The following CREB3L2 variants were observed in gnomAD, a reference collection of about 807,000 sequenced individuals.
CREB3L2 encodes cyclic AMP-responsive element-binding protein 3-like protein 2.
Under a neutral mutation model 57.2 loss-of-function variants are expected in CREB3L2, and 23 were observed. That is an observed-to-expected ratio of 0.40 (90% CI 0.29 to 0.57). The LOEUF is 0.57. Ranked by LOEUF, CREB3L2 falls within the 20% of genes least tolerant of loss-of-function variation. The probability of loss-of-function intolerance (pLI) is 0.42; values close to 1 mark genes in which losing one functional copy is unlikely to be tolerated. For missense variants in CREB3L2, 628 were observed against 634.7 expected, an observed-to-expected ratio of 0.99 and a Z score of 0.11; for synonymous variants, 268 against 265.1, an observed-to-expected ratio of 1.01 and a Z score of -0.11.
intron 1 of CREB3L2, among the ~76,000 whole-genome samples, chr7:137,939,638 C>A (rs986487132): frequency 8.5e-5 from 13 of 152,228 alleles, no homozygotes; most frequent in African/African-American, 3.1e-4. Context: ...CCATCAAAGC[C>A]ATGATCAAGT....
chr7:137,976,117 A>G (rs1372120863), intron 1 of CREB3L2, among the ~76,000 whole-genome samples: 1 of 152,250 alleles, frequency 6.6e-6, no homozygotes, highest in Non-Finnish European at 1.5e-5. Flanking sequence ...GGCCCTCAGA[A>G]CTCTGATTAG....
intron 1 of CREB3L2, among the ~76,000 whole-genome samples, chr7:137,989,776 C>G (rs1319370440): frequency 1.3e-5 from 2 of 152,142 alleles, no homozygotes; most frequent in African/African-American, 4.8e-5. Flanking sequence ...CAAACTCATC[C>G]TCCCTCCAAA....
rs1157503342 is a variant in CREB3L2 at position 137,879,701 on chromosome 7, T to C, written c.*775A>G. The C allele has an allele frequency of 4.2e-6, 1 of 237,994 alleles. No homozygotes were observed. The highest frequency in any genetic ancestry group is 8.3e-6 in the Non-Finnish European group (1 of 121,198). 14.7% of individuals were successfully genotyped at this position (237,994 alleles called of 1,614,324 possible). A position where few individuals can be genotyped will look rare whatever the true frequency, so the allele number is the denominator to read the frequency against. ...TAGCTTGAAAGGAGGCATCGATCTC[T>C]TCAGTGTGGTTGCTAGCAGGAAGCC... is the stretch of plus-strand genomic sequence containing the variant. On this transcript the variant is annotated 3_prime_UTR_variant, in exon 12 of 12. Transcript: ENST00000330387.
At chr7:137,995,196 A>C (rs945058985) in intron 1 of CREB3L2, among the ~76,000 whole-genome samples, 3 of 152,190 alleles carry the variant, frequency 2.0e-5, no homozygotes, top group African/African-American at 7.2e-5. Context: ...GTCATTTTGA[A>C]TGTAACCCCT....
intron 8 of CREB3L2, among the ~76,000 whole-genome samples, chr7:137,889,151 T>C (rs1799485109): frequency 1.3e-5 from 2 of 152,108 alleles, no homozygotes; most frequent in African/African-American, 2.4e-5. Context: ...TTGATATCTC[T>C]GGGCCCTGTA....
intron 1 of CREB3L2, among the ~76,000 whole-genome samples, chr7:137,948,280 A>G (rs531818733): frequency 6.6e-6 from 1 of 152,376 alleles, no homozygotes; most frequent in Non-Finnish European, 1.5e-5. Flanking sequence ...TACCTAAAAC[A>G]TGCTCACTAG....
At chr7:137,970,182 A>T (rs1801483190) in intron 1 of CREB3L2, among the ~76,000 whole-genome samples, 1 of 152,248 alleles carries the variant, frequency 6.6e-6, no homozygotes, top group African/African-American at 2.4e-5. Context: ...ATTGAATACA[A>T]AGGGTTGATT....
rs1563270138 is a variant in CREB3L2 at position 137,972,712 on chromosome 7, A to AAT, written c.102+28890_102+28891dup. Among the ~76,000 whole-genome samples, 49 of 34,092 alleles carry AAT rather than the reference A, an allele frequency of 1.4e-3. 1 individual carries two copies. Among genetic ancestry groups the AAT allele is most frequent in the South Asian group, 8.2e-3 (4 of 488 alleles). The allele number at this position is 34,092 out of a possible 152,430, so 22.4% of individuals were successfully genotyped here. On this transcript the variant is annotated intron_variant, in intron 1 of 11. Coordinates refer to ENST00000330387, the MANE Select transcript of CREB3L2 (RefSeq NM_194071.4). ...AAAAAAAAAAAAAAAAAAAAAAAAA[A>AAT]ATATATATATATATATATATATATA...
chr7:137,884,219 G>A (rs1799360984), intron 10 of CREB3L2: 1 of 151,338 alleles, frequency 6.6e-6, no homozygotes, highest in Admixed American at 6.6e-5. Context: ...TATTGGCCAG[G>A]CTGGTCTTGA....
In CREB3L2 at chr7:137,905,832, C is replaced by T; in HGVS notation, c.785G>A (p.Gly262Asp). The part of the protein sequence containing the change: ...LTAPHKLQGS[G>D]PLVLTEEEKR... ...CTCCTCCTCTGTCAGGACCAGAGGG[C>T]CTGATCCCTGCAGTTTCTGTGCAGA... Residue 262 changes from glycine to aspartate, a missense_variant, in exon 6 of 12, where the codon GGC becomes GAC. Physicochemically the swap from Gly to Asp is moderately conservative, Grantham distance 94. Coordinates refer to ENST00000330387, the MANE Select transcript of CREB3L2 (RefSeq NM_194071.4). The T allele has an allele frequency of 6.2e-7, 1 of 1,612,372 alleles. No homozygotes were observed. Among genetic ancestry groups the T allele is most frequent in the South Asian group, 1.1e-5 (1 of 90,884 alleles).
chr7:137,922,394 A>ATATATATATATATATATATACG (rs1800316691), intron 2 of CREB3L2, among the ~76,000 whole-genome samples: 1 of 18,098 alleles, frequency 5.5e-5, no homozygotes, highest in African/African-American at 2.7e-4. Context: ...GTATATATAT[A>ATATATATATATATATATATACG]TATATATATA....
At chr7:137,953,442 C>G (rs1801141414) in intron 1 of CREB3L2, 1 of 1,282,796 alleles carries the variant, frequency 7.8e-7, no homozygotes, top group East Asian at 5.6e-5. Context: ...ATAACAGTAT[C>G]TGAGACCTGC....
chr7:137,889,751 G>C (rs1214051361), intron 8 of CREB3L2, among the ~76,000 whole-genome samples: 1 of 152,102 alleles, frequency 6.6e-6, no homozygotes, highest in Non-Finnish European at 1.5e-5. Context: ...AATAGAGTTT[G>C]GGAAATTCAC....
chr7:137,884,044 C>T (rs1799355904), intron 10 of CREB3L2, among the ~76,000 whole-genome samples: 2 of 152,180 alleles, frequency 1.3e-5, no homozygotes, highest in Non-Finnish European at 2.9e-5. Flanking sequence ...CTTGCTCTGC[C>T]GCCCAGGCTG....
chr7:137,920,050 G>A (rs1010165059), intron 2 of CREB3L2, among the ~76,000 whole-genome samples: 1 of 152,166 alleles, frequency 6.6e-6, no homozygotes, highest in Non-Finnish European at 1.5e-5. Flanking sequence ...TTGCCCATGG[G>A]GGTGTTTAGA....
intron 1 of CREB3L2, chr7:137,956,745 T>C: frequency 1.3e-6 from 1 of 769,398 alleles, no homozygotes; most frequent in Non-Finnish European, 1.9e-6. Flanking sequence ...TGGGCAAACA[T>C]TTGCGATTGC....
intron 1 of CREB3L2, among the ~76,000 whole-genome samples, chr7:137,946,613 G>A (rs1800981944): frequency 6.6e-6 from 1 of 150,560 alleles, no homozygotes; most frequent in Admixed American, 6.6e-5. Context: ...TAATAAATGT[G>A]GTTGTTTTAA....
At chr7:137,977,079 C>A (rs117965563) in intron 1 of CREB3L2, among the ~76,000 whole-genome samples, 354 of 152,230 alleles carry the variant, frequency 2.3e-3, no homozygotes, top group Non-Finnish European at 3.3e-3. Flanking sequence ...AGACAGACAC[C>A]CCCTGAGCTT....
chr7:137,897,457 C>T (rs1437309608), intron 8 of CREB3L2, among the ~76,000 whole-genome samples: 1 of 152,166 alleles, frequency 6.6e-6, no homozygotes, highest in Non-Finnish European at 1.5e-5. Context: ...GCAGCCTCTG[C>T]CTCCTAGGTT....
Sources: gnomAD v4.1 joint callset for allele counts (sites outside exome capture counted in the v4.1 genomes callset) on GRCh38, gnomAD v4.1.1 for gene constraint, MANE v1.5 for transcripts, NCBI Gene and HGNC (gene_info 2026-07-23, HGNC 2026-07-21) for gene names.